Variants in FOXK1 observed in about 807,000 individuals in gnomAD.
The protein encoded by FOXK1 is forkhead box K1.
In FOXK1, 19 loss-of-function variants were observed where a neutral mutation model predicts 51.9. The observed-to-expected ratio is 0.37, with a 90% CI of 0.26 to 0.54. The LOEUF (loss-of-function observed/expected upper bound fraction) is 0.54, where lower values mean the gene tolerates loss of function less well. FOXK1 is among the 20% of genes least tolerant of loss of function. The pLI is 0.87. For missense variants in FOXK1, 870 were observed against 1,032.7 expected (o/e 0.84, Z 2.16); for synonymous variants, 537 against 482.6 (o/e 1.11, Z -1.48).
In FOXK1 at chr7:4,743,506, C is replaced by T. The variant is rs551790189; in HGVS notation, c.746+2483C>T. Among the ~76,000 whole-genome samples, 73 of 152,242 alleles carry T rather than the reference C, an allele frequency of 4.8e-4. No homozygotes were observed. Among genetic ancestry groups the T allele is most frequent in the African/African-American group, 1.6e-3 (68 of 41,550 alleles). On this transcript the variant is annotated intron_variant, in intron 2 of 8. Transcript: ENST00000328914. The surrounding 1 kb of genome is among the most constrained non-coding windows in gnomAD (Gnocchi z 5.3). The stretch of plus-strand genomic sequence containing the variant: ...TGAAGGTTGCAGTGAGCTGAGATCA[C>T]GCGACTGCACTCCAGCCCGGGCGAT...
rs1426226878 is a variant in FOXK1 at position 4,683,040 on chromosome 7, C to T, written c.560+172C>T. On this transcript the variant is annotated intron_variant, in intron 1 of 8. Transcript: ENST00000328914. This position sits in a 1 kb window ranked among gnomAD's most constrained non-coding sequence, Gnocchi z 4.5. ...GGACTCCGGGGTCAACCCCGACCCCCGCCTCCTGGCTCCCTAGGATCACCC... is the reference window on the plus strand; with the variant it reads ...GGACTCCGGGGTCAACCCCGACCCCTGCCTCCTGGCTCCCTAGGATCACCC... 1.3e-5 allele frequency among the ~76,000 whole-genome samples: 2 copies of T among 151,368 alleles called. No homozygotes were observed. Among genetic ancestry groups the T allele is most frequent in the East Asian group, 2.0e-4 (1 of 5,084 alleles).
In FOXK1 at chr7:4,683,595, C is replaced by G. The variant is rs1281360071; in HGVS notation, c.560+727C>G. 1.3e-5 allele frequency among the ~76,000 whole-genome samples: 2 copies of G among 151,778 alleles called. No individual in the cohort carries two copies. On this transcript the variant is annotated intron_variant, in intron 1 of 8. Coordinates refer to ENST00000328914, the MANE Select transcript of FOXK1 (RefSeq NM_001037165.2). This position sits in a 1 kb window ranked among gnomAD's most constrained non-coding sequence, Gnocchi z 4.5. ...CCAGGTCACCCTGGACCCCCACCAG[C>G]TTGGACTCCAGGGTCACCCCAGCCT...
intron 2 of FOXK1, among the ~76,000 whole-genome samples, chr7:4,750,306 C>T (rs910928386): frequency 6.6e-6 from 1 of 152,116 alleles, no homozygotes; most frequent in Non-Finnish European, 1.5e-5. Flanking sequence ...GGGGTACTTA[C>T]CCCAGAAGGA....
rs1780973830 is a variant in FOXK1, at chr7:4,764,011, AG to A, written c.*1548del. The stretch of plus-strand genomic sequence containing the variant: ...CATCACAGCCTCTCACCAGCAAAGC[AG>A]CCTCTGCCCAGGCCCTGGCGGGAGA... On this transcript the variant is annotated 3_prime_UTR_variant, in exon 9 of 9. Transcript: ENST00000328914. The A allele has an allele frequency of 2.0e-5, 3 of 152,382 alleles. No individual in the cohort carries two copies. The highest frequency in any genetic ancestry group is 1.3e-4 in the Admixed American group (2 of 15,286). The allele number at this position is 152,382 out of a possible 1,614,324, so 9.4% of individuals were successfully genotyped here.
chr7:4,755,117 G>A lies in FOXK1; in HGVS notation c.904-120G>A. The A allele has an allele frequency of 7.8e-7, 1 of 1,289,444 alleles. No individual in the cohort carries two copies. Among genetic ancestry groups the A allele is most frequent in the Non-Finnish European group, 1.1e-6 (1 of 939,672 alleles). The allele number at this position is 1,289,444 out of a possible 1,614,324, so 79.9% of individuals were successfully genotyped here. A position where few individuals can be genotyped will look rare whatever the true frequency, so the allele number is the denominator to read the frequency against. On this transcript the variant is annotated intron_variant, in intron 3 of 8. Transcript: ENST00000328914. The surrounding 1 kb of genome is among the most constrained non-coding windows in gnomAD (Gnocchi z 6.6). ...GGGATAGTTGGAGGGCACTGGGACGGGTGCCGGCAAGACGCGCACATTCTC... is the reference window on the plus strand; with the variant it reads ...GGGATAGTTGGAGGGCACTGGGACGAGTGCCGGCAAGACGCGCACATTCTC...
chr7:4,712,234 T>A (rs909975193), intron 1 of FOXK1, among the ~76,000 whole-genome samples: 6 of 152,016 alleles, frequency 3.9e-5, no homozygotes, highest in Admixed American at 3.9e-4. Context: ...CAAGAGCATC[T>A]CCCGCCTCGG....
In FOXK1 at chr7:4,758,989, G is replaced by A. The variant is rs989078117; in HGVS notation, c.1245-62G>A. 3.3e-5 allele frequency: 49 copies of A among 1,505,670 alleles called. No homozygotes were observed. Among genetic ancestry groups the A allele is most frequent in the Admixed American group, 8.4e-5 (4 of 47,676 alleles). The allele number at this position is 1,505,670 out of a possible 1,614,324, so 93.3% of individuals were successfully genotyped here. A position where few individuals can be genotyped will look rare whatever the true frequency, so the allele number is the denominator to read the frequency against. On this transcript the variant is annotated intron_variant, in intron 5 of 8. Coordinates refer to ENST00000328914, the MANE Select transcript of FOXK1 (RefSeq NM_001037165.2). The surrounding 1 kb of genome is among the most constrained non-coding windows in gnomAD (Gnocchi z 4.4). ...ACGGCGCTGAGATGCGTGATGTCTC[G>A]GAAACGTCCTCGCATCCCTCAGCGC... is the stretch of plus-strand genomic sequence containing the variant.
chr7:4,740,717 G>A, intron 1 of FOXK1, 121 bp from the exon 2 acceptor site: 1 of 987,870 alleles, frequency 1.0e-6, no homozygotes, highest in Non-Finnish European at 1.5e-6. Context: ...CTGCTCTCTG[G>A]GGCCCAGGTT....
chr7:4,736,307 C>A (rs943955003), intron 1 of FOXK1, among the ~76,000 whole-genome samples: 4 of 151,958 alleles, frequency 2.6e-5, no homozygotes, highest in Non-Finnish European at 5.9e-5. Context: ...AGGAAATTGT[C>A]ATCTATAGAT....
chr7:4,759,287 G>A (rs1422634612), intron 6 of FOXK1, 24 bp from the exon 7 acceptor site: 2 of 1,602,628 alleles, frequency 1.2e-6, no homozygotes, highest in Non-Finnish European at 1.7e-6. Context: ...AGGGGTCACC[G>A]TCCGCTCTCC....
rs1423753128 is a variant in FOXK1, at chr7:4,733,393, G to A, written c.561-7445G>A. Among the ~76,000 whole-genome samples, 2 of 152,150 alleles carry A rather than the reference G, an allele frequency of 1.3e-5. No homozygotes were observed. The highest frequency in any genetic ancestry group is 4.8e-5 in the African/African-American group (2 of 41,434). On this transcript the variant is annotated intron_variant, in intron 1 of 8. Coordinates refer to ENST00000328914, the MANE Select transcript of FOXK1 (RefSeq NM_001037165.2). This position sits in a 1 kb window ranked among gnomAD's most constrained non-coding sequence, Gnocchi z 5.0. ...CCAGACTTTTTCTATTACGTTGCTTGTTGCTCCGTTATGCAGTGTGCCTTT... is the reference window on the plus strand; with the variant it reads ...CCAGACTTTTTCTATTACGTTGCTTATTGCTCCGTTATGCAGTGTGCCTTT...
intron 2 of FOXK1, among the ~76,000 whole-genome samples, chr7:4,742,410 A>C (rs985616285): frequency 6.6e-6 from 1 of 152,040 alleles, no homozygotes. Context: ...CTGTAGGAGA[A>C]GAAAGGGCTT....
chr7:4,757,200 G>T lies in FOXK1; in HGVS notation c.1244+13G>T. On this transcript the variant is annotated intron_variant, in intron 5 of 8. Coordinates refer to ENST00000328914, the MANE Select transcript of FOXK1 (RefSeq NM_001037165.2). ...CTCTGTCCTCAAGGTAAAGTTCTCT[G>T]AGCGCCCGTCCTCCAGCTGTTAGGA... is the stretch of plus-strand genomic sequence containing the variant. The T allele has an allele frequency of 6.3e-7, 1 of 1,579,120 alleles. No homozygotes were observed. The highest frequency in any genetic ancestry group is 8.6e-7 in the Non-Finnish European group (1 of 1,161,526).
chr7:4,687,441 C>G (rs1418324991), intron 1 of FOXK1, among the ~76,000 whole-genome samples: 2 of 151,770 alleles, frequency 1.3e-5, no homozygotes, highest in African/African-American at 2.4e-5. Flanking sequence ...TACAGGCGCA[C>G]GTCACCACGC....
intron 1 of FOXK1, among the ~76,000 whole-genome samples, chr7:4,739,348 G>A (rs890213332): frequency 6.6e-6 from 1 of 152,212 alleles, no homozygotes; most frequent in African/African-American, 2.4e-5. Flanking sequence ...AAACAGCTGC[G>A]CAGGCGGCCA....
intron 1 of FOXK1, among the ~76,000 whole-genome samples, chr7:4,693,694 C>G (rs1562368366): frequency 6.6e-6 from 1 of 152,220 alleles, no homozygotes; most frequent in Middle Eastern, 3.4e-3. Flanking sequence ...TGGGGTGTCC[C>G]AGGTGAGTCC....
rs976081404 is a variant in FOXK1, at chr7:4,733,621, T to C, written c.561-7217T>C. Among the ~76,000 whole-genome samples, 1 of 152,230 alleles carries C rather than the reference T, an allele frequency of 6.6e-6. No individual in the cohort carries two copies. The highest frequency in any genetic ancestry group is 2.4e-5 in the African/African-American group (1 of 41,462). On this transcript the variant is annotated intron_variant, in intron 1 of 8. Coordinates refer to ENST00000328914, the MANE Select transcript of FOXK1 (RefSeq NM_001037165.2). The surrounding 1 kb of genome is among the most constrained non-coding windows in gnomAD (Gnocchi z 5.0). ...GACGTTTCTCTGTCTCCATGTTTGCTATAGAAGCAGGAGAGAAGGTGCTCT... is the reference window on the plus strand; with the variant it reads ...GACGTTTCTCTGTCTCCATGTTTGCCATAGAAGCAGGAGAGAAGGTGCTCT...
chr7:4,712,538 C>CCGCG (rs1780187800), intron 1 of FOXK1, among the ~76,000 whole-genome samples: 1 of 152,144 alleles, frequency 6.6e-6, no homozygotes, highest in South Asian at 2.1e-4. Context: ...TTGTCCTGCC[C>CCGCG]CGCGCGCTTA....
intron 1 of FOXK1, among the ~76,000 whole-genome samples, chr7:4,726,601 G>A (rs1463391151): frequency 6.6e-6 from 1 of 151,542 alleles, no homozygotes; most frequent in Non-Finnish European, 1.5e-5. Context: ...CAGCCTGGAC[G>A]ACAGAGCGAG....
Sources: allele counts gnomAD v4.1 joint callset (sites outside exome capture counted in the v4.1 genomes callset), GRCh38; gene constraint gnomAD v4.1.1; non-coding constraint Gnocchi (gnomAD v3.1); transcripts MANE v1.5; gene names NCBI Gene and HGNC (gene_info 2026-07-23, HGNC 2026-07-21).